PSIP1: variants seen among roughly 807,000 people sequenced by gnomAD.
The protein encoded by PSIP1 is PC4 and SRSF1 interacting protein 1.
Under a neutral mutation model 74.7 loss-of-function variants are expected in PSIP1, and 19 were observed. The ratio of observed to expected loss-of-function variants is 0.25; its 90% CI spans 0.18 to 0.37. PSIP1 has a LOEUF of 0.37. PSIP1 is among the 10% of genes least tolerant of loss of function. The probability of loss-of-function intolerance (pLI) is 1.00; values close to 1 mark genes in which losing one functional copy is unlikely to be tolerated. For synonymous variants in PSIP1, 222 were observed against 195.3 expected, an observed-to-expected ratio of 1.14 and a Z score of -1.14; for missense variants, 601 against 614.3, an observed-to-expected ratio of 0.98 and a Z score of 0.23.
At chr9:15,503,902 A>G (rs1408650317) in intron 3 of PSIP1, among the ~76,000 whole-genome samples, 1 of 152,112 alleles carries the variant, frequency 6.6e-6, no homozygotes, top group Non-Finnish European at 1.5e-5. Context: ...GCACACTACC[A>G]TGCCAGGCTA....
Position 15,479,594 on chromosome 9 carries a change from C to T in PSIP1, c.550G>A (p.Ala184Thr), listed in dbSNP as rs956847517. The T allele has an allele frequency of 6.3e-7, 1 of 1,596,818 alleles. No homozygotes were observed. Among genetic ancestry groups the T allele is most frequent in the Non-Finnish European group, 8.5e-7 (1 of 1,171,522 alleles). ...ATTTAAACATCAGTAATCCTACCTG[C>T]AGGTCGTCCTCTTTTAGGACTCACT... Reference protein sequence around the residue: ...LKVSPKRGRPAATEVKIPKPR... With the variant: ...LKVSPKRGRPTATEVKIPKPR... The change falls in exon 7 of 16, where the codon GCA (alanine) becomes ACA (threonine). Residue 184 changes from alanine to threonine, a missense_variant. This residue lies in a region of PSIP1 where 538 missense variants were observed against 507.6 expected (regional missense o/e 1.06). Coordinates refer to ENST00000380733, the MANE Select transcript of PSIP1 (RefSeq NM_033222.5).
rs114308044 is a variant in PSIP1, at chr9:15,498,617, A to G, written c.149+7944T>C. 4.9e-3 allele frequency among the ~76,000 whole-genome samples: 745 copies of G among 152,290 alleles called. 3 individuals carry two copies. Among genetic ancestry groups the G allele is most frequent in the African/African-American group, 0.018 (733 of 41,552 alleles). On this transcript the variant is annotated intron_variant, in intron 3 of 15. Transcript: ENST00000380733. ...ACTTCCCAAGGGTACAACCTTGTGC[A>G]GCTGTGGTTCTGATTCATTCTTCAA...
In PSIP1 at chr9:15,469,918, T is replaced by C. The variant is rs781228588; in HGVS notation, c.1033+20A>G. 59 of 1,591,278 alleles carry C rather than the reference T, an allele frequency of 3.7e-5. No homozygotes were observed. Among genetic ancestry groups the C allele is most frequent in the Non-Finnish European group, 4.9e-5 (57 of 1,163,824 alleles). On this transcript the variant is annotated intron_variant, in intron 11 of 15. Transcript: ENST00000380733. ...TTTCCATGTATAATTTTATGTATCT[T>C]AGAAAGTGAAATAACTAACCTCGCT...
At chr9:15,490,209 C>A (rs987560222) in intron 3 of PSIP1, 85 bp from the exon 4 acceptor site, 2 of 1,238,352 alleles carry the variant, frequency 1.6e-6, no homozygotes, top group Non-Finnish European at 2.1e-6. Flanking sequence ...ACACAATTAT[C>A]AAAAATACAG....
intron 8 of PSIP1, among the ~76,000 whole-genome samples, chr9:15,476,908 G>A (rs1378184763): frequency 6.6e-6 from 1 of 152,174 alleles, no homozygotes; most frequent in Non-Finnish European, 1.5e-5. Context: ...CAGCTGATGA[G>A]GAGGGCAGTA....
At chr9:15,488,982 A>C (rs1013749258) in intron 4 of PSIP1, among the ~76,000 whole-genome samples, 3 of 152,080 alleles carry the variant, frequency 2.0e-5, no homozygotes, top group Non-Finnish European at 2.9e-5. Flanking sequence ...GATAGAGCCA[A>C]TGCACCCCAG....
intron 15 of PSIP1, among the ~76,000 whole-genome samples, chr9:15,466,313 A>C (rs530795082): frequency 6.6e-6 from 1 of 152,344 alleles, no homozygotes; most frequent in Non-Finnish European, 1.5e-5. Context: ...CAGGAAGTGG[A>C]GGTTGCAGTG....
Position 15,466,739 on chromosome 9 carries a change from A to G in PSIP1, c.1532+9T>C, listed in dbSNP as rs370714663. On this transcript the variant is annotated intron_variant, in intron 15 of 15. Transcript: ENST00000380733. ...AAACACACAAGACCCATTAAAACCT[A>G]TTCCTCACTTTTTCTTCGTGCTGGC... The G allele has an allele frequency of 6.3e-7, 1 of 1,598,764 alleles. No individual in the cohort carries two copies. Among genetic ancestry groups the G allele is most frequent in the Non-Finnish European group, 8.5e-7 (1 of 1,170,692 alleles).
intron 4 of PSIP1, among the ~76,000 whole-genome samples, chr9:15,488,844 A>AC (rs762228301): frequency 6.6e-6 from 1 of 152,200 alleles, no homozygotes; most frequent in South Asian, 2.1e-4. Context: ...ACACGGTGAA[A>AC]CCCCGTCTCT....
At chr9:15,479,097 GTTTT>G (rs1297654424) in intron 7 of PSIP1, among the ~76,000 whole-genome samples, 3 of 151,900 alleles carry the variant, frequency 2.0e-5, no homozygotes, top group African/African-American at 7.3e-5. Context: ...CTCAATTTTG[GTTTT>G]GTTTTACGAA....
chr9:15,470,147 C>T (rs773424796), intron 10 of PSIP1, among the ~76,000 whole-genome samples, 154 bp from the exon 11 acceptor site: 8 of 151,990 alleles, frequency 5.3e-5, no homozygotes, highest in African/African-American at 9.7e-5. Flanking sequence ...GGTGCAGTTC[C>T]GTAGCATAAA....
intron 3 of PSIP1, chr9:15,505,909 A>C (rs372940091): frequency 6.6e-6 from 1 of 152,230 alleles, no homozygotes; most frequent in South Asian, 2.1e-4. Flanking sequence ...CAGACACCAA[A>C]CTTCAAGTCC....
In PSIP1 at chr9:15,490,006, C is replaced by T. The variant is rs762044269; in HGVS notation, c.268G>A (p.Val90Met). Residue 90 changes from valine (V) to methionine (M), a missense_variant, in exon 4 of 16, where the codon GTG (valine) becomes ATG (methionine). By Grantham distance (21) the Val-to-Met change is conservative. Around this residue, in one of 2 missense-constraint regions of PSIP1, gnomAD observed 538 missense variants for 507.6 expected, o/e 1.06. Coordinates refer to ENST00000380733, the MANE Select transcript of PSIP1 (RefSeq NM_033222.5). ...CTTACCTGTTGACTTGAAAATTTCACTTTTGGATTGTTATCTATCTCCCAT... is the reference window on the plus strand; with the variant it reads ...CTTACCTGTTGACTTGAAAATTTCATTTTTGGATTGTTATCTATCTCCCAT... ...GLWEIDNNPK[V>M]KFSSQQAATK... The T allele has an allele frequency of 3.8e-6, 6 of 1,579,220 alleles. No homozygotes were observed. The highest frequency in any genetic ancestry group is 1.9e-5 in the Admixed American group (1 of 52,660).
At chr9:15,497,474 G>A (rs2037135813) in intron 3 of PSIP1, among the ~76,000 whole-genome samples, 1 of 151,992 alleles carries the variant, frequency 6.6e-6, no homozygotes, top group South Asian at 2.1e-4. Context: ...TTACAGGCAT[G>A]TGCAACCACG....
chr9:15,496,466 A>T (rs1468646539), intron 3 of PSIP1, among the ~76,000 whole-genome samples: 1 of 152,254 alleles, frequency 6.6e-6, no homozygotes, highest in African/African-American at 2.4e-5. Flanking sequence ...TGGTTTATTA[A>T]AACAGAAAGT....
intron 2 of PSIP1, among the ~76,000 whole-genome samples, chr9:15,508,086 G>A (rs1228667711): frequency 1.3e-5 from 2 of 152,026 alleles, no homozygotes; most frequent in Non-Finnish European, 2.9e-5. Flanking sequence ...GCAAATGCCG[G>A]GCAAAATTTA....
intron 10 of PSIP1, chr9:15,472,236 G>A (rs2035868785): frequency 3.0e-6 from 3 of 990,900 alleles, no homozygotes; most frequent in African/African-American, 1.7e-5. Context: ...TCTTTAGGGT[G>A]AGGCCTGCTT....
intron 10 of PSIP1, chr9:15,472,260 A>G (rs1046480035): frequency 1.0e-6 from 1 of 997,774 alleles, no homozygotes; most frequent in Non-Finnish European, 1.2e-6. Flanking sequence ...GGTGTGATGA[A>G]TAAGGGCATT....
chr9:15,502,458 C>T (rs1333568230), intron 3 of PSIP1, among the ~76,000 whole-genome samples: 3 of 152,118 alleles, frequency 2.0e-5, no homozygotes, highest in South Asian at 2.1e-4. Flanking sequence ...TTTTTACCCC[C>T]CAAGACAGGG....
Sources: allele counts gnomAD v4.1 joint callset (sites outside exome capture counted in the v4.1 genomes callset), GRCh38; gene constraint gnomAD v4.1.1; regional missense constraint gnomAD v4.1.1; transcripts MANE v1.5; gene names NCBI Gene and HGNC (gene_info 2026-07-23, HGNC 2026-07-21).